The following MECOM variants were observed in gnomAD, a reference collection of about 807,000 sequenced individuals.
MECOM encodes histone-lysine N-methyltransferase MECOM.
Under a neutral mutation model 116.3 loss-of-function variants are expected in MECOM, and 13 were observed. The ratio of observed to expected loss-of-function variants is 0.11; its 90% CI spans 0.07 to 0.18. MECOM has a LOEUF of 0.18. Among genes scored for constraint, MECOM ranks in the 10% least tolerant of loss-of-function variants. MECOM has a pLI of 1.00. For missense variants in MECOM, 1,299 were observed against 1,509.0 expected, an observed-to-expected ratio of 0.86 and a Z score of 2.31; for synonymous variants, 528 against 535.2, an observed-to-expected ratio of 0.99 and a Z score of 0.19.
rs1003051541 is a variant in MECOM, at chr3:169,361,303, A to G, written c.375+19884T>C. On this transcript the variant is annotated intron_variant, in intron 2 of 16. Transcript: ENST00000651503. ...CATTTAAACATGAATCAATGTTTCAAATATGTTAGGTCTAGTGAAGGCCAC... is the reference window on the plus strand; with the variant it reads ...CATTTAAACATGAATCAATGTTTCAGATATGTTAGGTCTAGTGAAGGCCAC... Among the ~76,000 whole-genome samples the G allele has an allele frequency of 1.3e-4, 19 of 151,828 alleles. 1 individual carries two copies. The highest frequency in any genetic ancestry group is 4.1e-4 in the South Asian group (2 of 4,824).
chr3:169,139,272 C>A (rs944947094), intron 3 of MECOM, among the ~76,000 whole-genome samples: 35 of 152,162 alleles, frequency 2.3e-4, no homozygotes, highest in African/African-American at 7.9e-4. Context: ...TTACTAAATA[C>A]CAGCTGTCAA....
chr3:169,179,414 T>C (rs1745642878), intron 2 of MECOM, among the ~76,000 whole-genome samples: 1 of 152,092 alleles, frequency 6.6e-6, no homozygotes, highest in Non-Finnish European at 1.5e-5. Flanking sequence ...CTGTGATGTG[T>C]GGAATGATAG....
At chr3:169,591,256 AC>A (rs1420383335) in intron 1 of MECOM, among the ~76,000 whole-genome samples, 5 of 152,220 alleles carry the variant, frequency 3.3e-5, no homozygotes, top group African/African-American at 1.2e-4. Context: ...ATATCTTTGT[AC>A]ATGTAATTAT....
chr3:169,211,176 A>G (rs1577355589), intron 2 of MECOM, among the ~76,000 whole-genome samples: 2 of 152,062 alleles, frequency 1.3e-5, no homozygotes, highest in African/African-American at 4.8e-5. Context: ...CTTCTAAACT[A>G]TTTCCCAACG....
At chr3:169,154,157 A>G (rs1429121029) in intron 2 of MECOM, among the ~76,000 whole-genome samples, 1 of 152,108 alleles carries the variant, frequency 6.6e-6, no homozygotes, top group Admixed American at 6.5e-5. Flanking sequence ...TCTGCCAGTC[A>G]GTAAGAGAGA....
At chr3:169,548,875 CCTT>C (rs1761037256) in intron 1 of MECOM, among the ~76,000 whole-genome samples, 1 of 152,064 alleles carries the variant, frequency 6.6e-6, no homozygotes, top group Non-Finnish European at 1.5e-5. Flanking sequence ...GTCATTTTCT[CCTT>C]CTTACAAATG....
At chr3:169,094,942 T>C (rs1721007827) in intron 13 of MECOM, 134 bp downstream of exon 13, 1 of 714,058 alleles carries the variant, frequency 1.4e-6, no homozygotes, top group Non-Finnish European at 2.1e-6. Flanking sequence ...AACAGAAACT[T>C]CCTGGGAATT....
chr3:169,139,961 TTA>T (rs1737599314), intron 3 of MECOM, among the ~76,000 whole-genome samples: 1 of 106,230 alleles, frequency 9.4e-6, no homozygotes, highest in Non-Finnish European at 1.7e-5. Flanking sequence ...CTAGTTTTCT[TTA>T]AAAAAAAAAA....
At chr3:169,647,056 T>C (rs1774280289) in intron 1 of MECOM, among the ~76,000 whole-genome samples, 1 of 152,230 alleles carries the variant, frequency 6.6e-6, no homozygotes, top group Non-Finnish European at 1.5e-5. Flanking sequence ...AAGTGTCTTT[T>C]TTCCAAAATC....
intron 1 of MECOM, among the ~76,000 whole-genome samples, chr3:169,474,927 T>C (rs1465878279): frequency 6.6e-6 from 1 of 152,194 alleles, no homozygotes; most frequent in Non-Finnish European, 1.5e-5. Flanking sequence ...TATTACAGAA[T>C]AGAATACTGA....
chr3:169,400,047 T>C (rs1380797572), intron 1 of MECOM, among the ~76,000 whole-genome samples: 1 of 152,228 alleles, frequency 6.6e-6, no homozygotes, highest in Non-Finnish European at 1.5e-5. Flanking sequence ...GTATTTTCCC[T>C]GCTGCTTCCT....
At chr3:169,583,432 T>G (rs371389586) in intron 1 of MECOM, among the ~76,000 whole-genome samples, 8 of 152,116 alleles carry the variant, frequency 5.3e-5, no homozygotes, top group African/African-American at 1.9e-4. Flanking sequence ...ACTAACAAAG[T>G]GAAACATGTT....
At chr3:169,258,371 C>T (rs1188548903) in intron 2 of MECOM, among the ~76,000 whole-genome samples, 1 of 152,178 alleles carries the variant, frequency 6.6e-6, no homozygotes, top group Non-Finnish European at 1.5e-5. Context: ...CAATAACCTT[C>T]ATTTTACAGT....
intron 2 of MECOM, among the ~76,000 whole-genome samples, chr3:169,193,052 G>A (rs1196797298): frequency 6.6e-6 from 1 of 151,986 alleles, no homozygotes; most frequent in Non-Finnish European, 1.5e-5. Flanking sequence ...AAGGGAGGGA[G>A]CAGACATGGG....
At chr3:169,173,712 C>G (rs542230378) in intron 2 of MECOM, among the ~76,000 whole-genome samples, 6 of 152,300 alleles carry the variant, frequency 3.9e-5, no homozygotes, top group Admixed American at 3.9e-4. Context: ...CAGGTGCGAT[C>G]CATTCTGCCA....
At chr3:169,370,300 G>C (rs966831244) in intron 2 of MECOM, among the ~76,000 whole-genome samples, 3 of 151,992 alleles carry the variant, frequency 2.0e-5, no homozygotes, top group Admixed American at 2.0e-4. Context: ...AAATGGTGCT[G>C]AGAAAACTGA....
chr3:169,305,376 G>A lies in MECOM; in HGVS notation c.375+75811C>T, dbSNP rs79244714. Among the ~76,000 whole-genome samples, 279 of 152,152 alleles carry A rather than the reference G, an allele frequency of 1.8e-3. 4 individuals carry two copies. In the East Asian group the frequency reaches 0.045, roughly 25 times the overall value. On this transcript the variant is annotated intron_variant, in intron 2 of 16. Coordinates refer to ENST00000651503, the MANE Select transcript of MECOM (RefSeq NM_004991.4). ...GAATGATAATGTGCATCTCAATTACGAGACAAGGACTAATAAATGATTGCC... is the reference window on the plus strand; with the variant it reads ...GAATGATAATGTGCATCTCAATTACAAGACAAGGACTAATAAATGATTGCC...
chr3:169,570,007 G>C (rs1051493778), intron 1 of MECOM, among the ~76,000 whole-genome samples: 23 of 152,126 alleles, frequency 1.5e-4, no homozygotes. Flanking sequence ...TTGAAGGATA[G>C]AGACTTGAAG....
intron 2 of MECOM, among the ~76,000 whole-genome samples, chr3:169,297,957 T>C (rs556932647): frequency 6.6e-5 from 10 of 152,318 alleles, no homozygotes; most frequent in African/African-American, 2.4e-4. Context: ...ATTTTGAATA[T>C]ACCATAGAGT....
Sources: allele counts gnomAD v4.1 joint callset (sites outside exome capture counted in the v4.1 genomes callset), GRCh38; gene constraint gnomAD v4.1.1; transcripts MANE v1.5; gene names NCBI Gene and HGNC (gene_info 2026-07-23, HGNC 2026-07-21).